DDX25: variants seen among roughly 807,000 people sequenced by gnomAD.
DDX25 encodes ATP-dependent RNA helicase DDX25.
In DDX25, 70 loss-of-function variants were observed where a neutral mutation model predicts 64.6. The observed-to-expected ratio is 1.08, with a 90% CI of 0.89 to 1.32. The LOEUF (loss-of-function observed/expected upper bound fraction) is 1.32. Among genes scored for constraint, DDX25 ranks in the 40% most tolerant of loss-of-function variants. The probability of loss-of-function intolerance (pLI) is 0.00; values close to 1 mark genes in which losing one functional copy is unlikely to be tolerated. For synonymous variants in DDX25, 211 were observed against 213.3 expected, an observed-to-expected ratio of 0.99 and a Z score of 0.09; for missense variants, 587 against 604.4, an observed-to-expected ratio of 0.97 and a Z score of 0.30.
At chr11:125,919,553 CTTT>C (rs376752578) in intron 10 of DDX25, among the ~76,000 whole-genome samples, 57 of 126,966 alleles carry the variant, frequency 4.5e-4, no homozygotes, top group African/African-American at 1.4e-3. Context: ...GAAAAAAATC[CTTT>C]TTTTTTTTTT....
chr11:125,917,346 C>T (rs1945053075), intron 9 of DDX25, 95 bp downstream of exon 9: 1 of 1,159,448 alleles, frequency 8.6e-7, no homozygotes, highest in African/African-American at 1.5e-5. Flanking sequence ...GCACCATGTT[C>T]AGCACTTCTT....
chr11:125,918,831 T>C (rs1198816806), intron 10 of DDX25, 41 bp downstream of exon 10: 3 of 1,526,696 alleles, frequency 2.0e-6, no homozygotes, highest in Admixed American at 2.1e-5. Context: ...AATTTGCATA[T>C]GATAAAATGC....
rs1945165200 is a variant in DDX25 at position 125,926,111 on chromosome 11, A to G, written c.*3230A>G. ...CCTTTTGATTCAAGGCAGGACCTAG[A>G]TTAGAAAGAGAACCCCTGCAGAGAC... On this transcript the variant is annotated 3_prime_UTR_variant, in exon 12 of 12. Coordinates refer to ENST00000263576, the MANE Select transcript of DDX25 (RefSeq NM_013264.5). 1 of 152,488 alleles carries G rather than the reference A, an allele frequency of 6.6e-6. No individual in the cohort carries two copies. The allele number at this position is 152,488 out of a possible 1,614,324, so 9.4% of individuals were successfully genotyped here.
In DDX25 at chr11:125,921,442, G is replaced by T; in HGVS notation, c.1390+63G>T. The T allele has an allele frequency of 6.5e-7, 1 of 1,534,972 alleles. No homozygotes were observed. The highest frequency in any genetic ancestry group is 8.8e-7 in the Non-Finnish European group (1 of 1,137,194). ...TGCCGGTCTGACAGTGATGATGTGT[G>T]CTGGAGAGCTGGAGTCCAGGGGCTC... On this transcript the variant is annotated intron_variant, in intron 11 of 11. Transcript: ENST00000263576. This position sits in a 1 kb window ranked among gnomAD's most constrained non-coding sequence, Gnocchi z 4.1.
intron 2 of DDX25, 36 bp downstream of exon 2, chr11:125,905,314 T>A (rs1219473574): frequency 2.9e-5 from 45 of 1,548,666 alleles, no homozygotes; most frequent in Non-Finnish European, 3.9e-5. Flanking sequence ...GCGACCTCAA[T>A]GATTAAAAAG....
rs199746551 is a variant in DDX25 at position 125,923,590 on chromosome 11, A to C, written c.*709A>C. On this transcript the variant is annotated 3_prime_UTR_variant, in exon 12 of 12. Coordinates refer to ENST00000263576, the MANE Select transcript of DDX25 (RefSeq NM_013264.5). ...AAGCAGTCGGGAGGGTAAAAAAAAAACCCACATACCCTATTAAAGAAGTAA... is the reference window on the plus strand; with the variant it reads ...AAGCAGTCGGGAGGGTAAAAAAAAACCCCACATACCCTATTAAAGAAGTAA... The C allele has an allele frequency of 6.1e-5, 9 of 147,184 alleles. No homozygotes were observed. In the East Asian group the frequency reaches 1.0e-3, roughly 16 times the overall value. 9.1% of individuals were successfully genotyped at this position (147,184 alleles called of 1,614,324 possible). A position where few individuals can be genotyped will look rare whatever the true frequency, so the allele number is the denominator to read the frequency against.
rs970262563 is a variant in DDX25, at chr11:125,926,272, A to G, written c.*3391A>G. The G allele has an allele frequency of 6.6e-6, 1 of 152,366 alleles. No individual in the cohort carries two copies. Among genetic ancestry groups the G allele is most frequent in the Non-Finnish European group, 1.5e-5 (1 of 68,162 alleles). 9.4% of individuals were successfully genotyped at this position (152,366 alleles called of 1,614,324 possible). ...CTTCAGGAGCCCAGCCATCTGGCAC[A>G]TACTGCTTTTCCCAAGGGAGTAACA... On this transcript the variant is annotated 3_prime_UTR_variant, in exon 12 of 12. Coordinates refer to ENST00000263576, the MANE Select transcript of DDX25 (RefSeq NM_013264.5).
chr11:125,909,161 T>G (rs936791712), intron 6 of DDX25, among the ~76,000 whole-genome samples: 2 of 152,200 alleles, frequency 1.3e-5, no homozygotes, highest in Non-Finnish European at 1.5e-5. Flanking sequence ...TCTCCCTATT[T>G]GCTTGACAAG....
chr11:125,911,580 C>G (rs1264196349), intron 8 of DDX25, 92 bp downstream of exon 8: 1 of 1,264,580 alleles, frequency 7.9e-7, no homozygotes, highest in African/African-American at 1.5e-5. Flanking sequence ...TATTGCTTAA[C>G]TCCTCACCAC....
intron 8 of DDX25, among the ~76,000 whole-genome samples, chr11:125,913,834 C>T (rs1944998542): frequency 6.7e-6 from 1 of 149,534 alleles, no homozygotes; most frequent in African/African-American, 2.5e-5. Context: ...TTTAGAGAGC[C>T]CATCTGGGAC....
chr11:125,904,394 T>A (rs1944844222), upstream of DDX25: 1 of 898,168 alleles, frequency 1.1e-6, no homozygotes, highest in Non-Finnish European at 1.5e-6. Context: ...CGCACCGCGG[T>A]GGTCGCGGGC....
In DDX25 at chr11:125,908,383, GTCTTC is replaced by G. The variant is rs781056185; in HGVS notation, c.405-13_405-9del. On this transcript the variant is annotated splice_polypyrimidine_tract_variant and intron_variant, in intron 5 of 11. Transcript: ENST00000263576. ...TCTTGTATTCAGTTTATGCCCAGTG[GTCTTC>G]TCTTTTCTACAGACCCCAGAACCTC... 4 of 1,613,792 alleles carry G rather than the reference GTCTTC, an allele frequency of 2.5e-6. No homozygotes were observed. The Admixed American group carries it at 5.0e-5, about 20-fold the overall frequency.
chr11:125,911,607 A>G (rs565086899), intron 8 of DDX25, 119 bp downstream of exon 8: 559 of 1,090,566 alleles, frequency 5.1e-4, no homozygotes, highest in Non-Finnish European at 6.9e-4. Flanking sequence ...CTCTAAAATA[A>G]ATTTGAGTTT....
chr11:125,920,577 G>A (rs909691061), intron 10 of DDX25, among the ~76,000 whole-genome samples: 2 of 152,206 alleles, frequency 1.3e-5, no homozygotes, highest in Admixed American at 6.5e-5. Context: ...ACTTGAGGTG[G>A]CTTGCAGTCT....
Position 125,910,444 on chromosome 11 carries a change from T to C in DDX25, c.588T>C (p.Asp196=). ...AGCAGATGGGAAAATTCTGTGTGGA[T>C]GTTCAAGTGATGTATGCCATTCGAG... The part of the protein sequence containing the change: ...VVEQMGKFCV[D]VQVMYAIRGN... Residue 196 remains aspartate (D), a synonymous_variant, in exon 7 of 12, where the codon GAT becomes GAC. Transcript: ENST00000263576. 1 of 1,614,016 alleles carries C rather than the reference T, an allele frequency of 6.2e-7. No individual in the cohort carries two copies. The highest frequency in any genetic ancestry group is 2.2e-5 in the East Asian group (1 of 44,874).
rs1043132842 is a variant in DDX25 at position 125,926,923 on chromosome 11, G to C, written c.*4042G>C. 1 of 152,196 alleles carries C rather than the reference G, an allele frequency of 6.6e-6. No individual in the cohort carries two copies. Among genetic ancestry groups the C allele is most frequent in the Non-Finnish European group, 1.5e-5 (1 of 68,120 alleles). 9.4% of individuals were successfully genotyped at this position (152,196 alleles called of 1,614,324 possible). A position where few individuals can be genotyped will look rare whatever the true frequency, so the allele number is the denominator to read the frequency against. Reference sequence around the variant, plus strand: ...TCCGCAGGTTGATGTTTTCACCCTCGGGGTTCTGCCTTATCCCCTGCCACC... The same window carrying C: ...TCCGCAGGTTGATGTTTTCACCCTCCGGGTTCTGCCTTATCCCCTGCCACC... On this transcript the variant is annotated 3_prime_UTR_variant, in exon 12 of 12. Transcript: ENST00000263576.
At chr11:125,903,347 C>G (rs578151432), upstream of DDX25, 3 of 495,834 alleles carry the variant, frequency 6.1e-6, no homozygotes, top group Non-Finnish European at 7.8e-6. Flanking sequence ...ACCGTTTCTC[C>G]GCCCACAGGG....
At chr11:125,914,236 C>T (rs924080642) in intron 8 of DDX25, among the ~76,000 whole-genome samples, 4 of 152,182 alleles carry the variant, frequency 2.6e-5, no homozygotes, top group African/African-American at 9.7e-5. Context: ...ACAATTCCAA[C>T]GGACAGCTCT....
chr11:125,907,476 C>T (rs570069754), intron 4 of DDX25, among the ~76,000 whole-genome samples: 124 of 152,032 alleles, frequency 8.2e-4, no homozygotes, highest in Admixed American at 1.8e-3. Flanking sequence ...GGTGTGGTGG[C>T]GGGCGCCTGT....
Sources: allele counts gnomAD v4.1 joint callset (sites outside exome capture counted in the v4.1 genomes callset), GRCh38; gene constraint gnomAD v4.1.1; non-coding constraint Gnocchi (gnomAD v3.1); transcripts MANE v1.5; gene names NCBI Gene and HGNC (gene_info 2026-07-23, HGNC 2026-07-21).